Variants in ARHGAP10 observed in about 807,000 individuals in gnomAD.
The protein encoded by ARHGAP10 is rho GTPase-activating protein 10.
A neutral mutation model predicts 108.6 loss-of-function variants in ARHGAP10; 87 were observed. That is an observed-to-expected ratio of 0.80 (90% CI 0.67 to 0.96). The LOEUF (loss-of-function observed/expected upper bound fraction) is 0.96, where lower values mean the gene tolerates loss of function less well. Ranked by LOEUF, ARHGAP10 falls within the 40% of genes least tolerant of loss-of-function variation. ARHGAP10 has a pLI of 0.00. For synonymous variants in ARHGAP10, 347 were observed against 341.1 expected, an observed-to-expected ratio of 1.02 and a Z score of -0.19; for missense variants, 939 against 954.5, an observed-to-expected ratio of 0.98 and a Z score of 0.21.
intron 18 of ARHGAP10, among the ~76,000 whole-genome samples, chr4:148,017,424 C>T (rs1356443896): frequency 1.3e-5 from 2 of 151,800 alleles, no homozygotes; most frequent in African/African-American, 4.8e-5. Context: ...CTATGTTTAC[C>T]AGGTATAGAC....
intron 13 of ARHGAP10, among the ~76,000 whole-genome samples, chr4:147,928,748 A>G (rs1368367337): frequency 6.6e-6 from 1 of 152,232 alleles, no homozygotes; most frequent in Non-Finnish European, 1.5e-5. Flanking sequence ...AAATGGGCTT[A>G]TAGATTAAAG....
intron 19 of ARHGAP10, among the ~76,000 whole-genome samples, chr4:148,027,981 TTTTATA>T (rs1402750721): frequency 6.6e-6 from 1 of 152,092 alleles, no homozygotes; most frequent in African/African-American, 2.4e-5. Context: ...ATTGAAGAGC[TTTTATA>T]TGCTCCACAT....
chr4:147,888,819 G>A (rs1035977764), intron 10 of ARHGAP10, among the ~76,000 whole-genome samples: 9 of 152,198 alleles, frequency 5.9e-5, no homozygotes, highest in African/African-American at 1.7e-4. Flanking sequence ...GCTGGCAGAA[G>A]GTGAATGTAC....
At chr4:147,960,285 T>C (rs1488576128) in intron 16 of ARHGAP10, among the ~76,000 whole-genome samples, 2 of 152,204 alleles carry the variant, frequency 1.3e-5, no homozygotes, top group Non-Finnish European at 2.9e-5. Context: ...ATGTGCCTTT[T>C]AATTTCTTAG....
chr4:147,807,581 C>T (rs1312385694), intron 1 of ARHGAP10, among the ~76,000 whole-genome samples: 1 of 151,138 alleles, frequency 6.6e-6, no homozygotes, highest in Non-Finnish European at 1.5e-5. Flanking sequence ...AAACATTTGA[C>T]TACCTAAAAA....
chr4:147,929,853 A>G (rs575078318), intron 13 of ARHGAP10, among the ~76,000 whole-genome samples: 1 of 152,338 alleles, frequency 6.6e-6, no homozygotes, highest in South Asian at 2.1e-4. Flanking sequence ...TTATGTGCAT[A>G]AAAGCATGTT....
intron 1 of ARHGAP10, among the ~76,000 whole-genome samples, chr4:147,757,603 G>A (rs1560741710): frequency 6.6e-6 from 1 of 152,166 alleles, no homozygotes; most frequent in Non-Finnish European, 1.5e-5. Context: ...ATCTGCTGTA[G>A]CATTGACAAC....
At chr4:147,922,687 CA>C (rs34169210) in intron 13 of ARHGAP10, among the ~76,000 whole-genome samples, 67,854 of 99,120 alleles carry the variant, frequency 0.68, 25,091 homozygotes, top group Non-Finnish European at 0.86. Flanking sequence ...GACTCCGTCT[CA>C]AAAAAAAAAA....
intron 10 of ARHGAP10, among the ~76,000 whole-genome samples, chr4:147,896,875 A>G (rs75960535): frequency 0.016 from 2,402 of 152,262 alleles, 61 homozygotes; most frequent in African/African-American, 0.052. Context: ...ATTTTTTAAA[A>G]ATTCCAAATG....
chr4:147,756,776 G>A (rs1260045575), intron 1 of ARHGAP10, among the ~76,000 whole-genome samples: 1 of 152,046 alleles, frequency 6.6e-6, no homozygotes, highest in African/African-American at 2.4e-5. Flanking sequence ...CCACTATATT[G>A]TTATTGGTCT....
In ARHGAP10 at chr4:148,072,115, C is replaced by A. The variant is rs1217947584; in HGVS notation, c.*34C>A. 3 of 1,582,366 alleles carry A rather than the reference C, an allele frequency of 1.9e-6. No individual in the cohort carries two copies. In the East Asian group the frequency reaches 6.8e-5, roughly 36 times the overall value. ...CTCAGAGCCCCTGCTGACCCTGGCA[C>A]CCAGGGACCTGCCTGGGGGCAGAGA... is the stretch of plus-strand genomic sequence containing the variant. On this transcript the variant is annotated 3_prime_UTR_variant, in exon 23 of 23. Coordinates refer to ENST00000336498, the MANE Select transcript of ARHGAP10 (RefSeq NM_024605.4).
chr4:147,922,147 G>A (rs1425293866), intron 13 of ARHGAP10, among the ~76,000 whole-genome samples: 2 of 152,086 alleles, frequency 1.3e-5, no homozygotes. Flanking sequence ...AGGGGTGAAC[G>A]AGGGTCAAAG....
chr4:147,872,191 G>C (rs1579142375), intron 7 of ARHGAP10, among the ~76,000 whole-genome samples: 1 of 151,978 alleles, frequency 6.6e-6, no homozygotes, highest in Non-Finnish European at 1.5e-5. Flanking sequence ...GGACCTCATG[G>C]AGGCGTCTGC....
chr4:147,962,672 A>G (rs899905253), intron 16 of ARHGAP10, among the ~76,000 whole-genome samples: 11 of 151,478 alleles, frequency 7.3e-5, no homozygotes, highest in African/African-American at 2.7e-4. Flanking sequence ...CACCTACCTC[A>G]CTCCCTTTAT....
intron 10 of ARHGAP10, among the ~76,000 whole-genome samples, chr4:147,887,236 C>G (rs1431518393): frequency 6.6e-6 from 1 of 152,088 alleles, no homozygotes; most frequent in African/African-American, 2.4e-5. Context: ...CCCTCAGTGC[C>G]CAGACACCCT....
At chr4:147,944,127 T>C (rs1738278875) in intron 14 of ARHGAP10, among the ~76,000 whole-genome samples, 2 of 152,216 alleles carry the variant, frequency 1.3e-5, no homozygotes, top group African/African-American at 4.8e-5. Context: ...ATAATTGATT[T>C]AATGAGAGAG....
chr4:147,783,873 A>ATAACACACATTAAATTGTGTATTATATT lies in ARHGAP10; in HGVS notation c.155-38851_155-38824dup, dbSNP rs1472891549. Among the ~76,000 whole-genome samples the ATAACACACATTAAATTGTGTATTATATT allele has an allele frequency of 4.7e-4, 50 of 107,484 alleles. 1 individual carries two copies. Among genetic ancestry groups the ATAACACACATTAAATTGTGTATTATATT allele is most frequent in the African/African-American group, 2.3e-3 (42 of 18,378 alleles). The allele number at this position is 107,484 out of a possible 152,430, so 70.5% of individuals were successfully genotyped here. On this transcript the variant is annotated intron_variant, in intron 1 of 22. Coordinates refer to ENST00000336498, the MANE Select transcript of ARHGAP10 (RefSeq NM_024605.4). Reference sequence around the variant, plus strand: ...ACATTAAATTGTGTATTATATTTATATAACACACATTAAATTGTGTATTAT... The same window carrying ATAACACACATTAAATTGTGTATTATATT: ...ACATTAAATTGTGTATTATATTTATATAACACACATTAAATTGTGTATTATATTTAACACACATTAAATTGTGTATTAT...
chr4:148,053,161 C>T (rs2149684193), intron 20 of ARHGAP10, among the ~76,000 whole-genome samples: 1 of 152,230 alleles, frequency 6.6e-6, no homozygotes, highest in African/African-American at 2.4e-5. Flanking sequence ...GGAAAATTGG[C>T]CCAAGCCACA....
intron 21 of ARHGAP10, among the ~76,000 whole-genome samples, chr4:148,063,671 G>A (rs1729726781): frequency 6.6e-6 from 1 of 152,236 alleles, no homozygotes; most frequent in African/African-American, 2.4e-5. Context: ...ATGGCATCCA[G>A]TGGCCAAGTC....
Sources: allele counts gnomAD v4.1 joint callset (sites outside exome capture counted in the v4.1 genomes callset), GRCh38; gene constraint gnomAD v4.1.1; transcripts MANE v1.5; gene names NCBI Gene and HGNC (gene_info 2026-07-23, HGNC 2026-07-21).